The following RNF103 variants were observed in gnomAD, a reference collection of about 807,000 sequenced individuals.
RNF103 encodes the protein ring finger protein 103.
In RNF103, 23 loss-of-function variants were observed where a neutral mutation model predicts 66.2. That is an observed-to-expected ratio of 0.35 (90% CI 0.25 to 0.49). The LOEUF is 0.49. Ranked by LOEUF, RNF103 falls within the 20% of genes least tolerant of loss-of-function variation. The pLI, the probability that RNF103 is intolerant of heterozygous loss-of-function variation, is 0.98. For missense variants in RNF103, 730 were observed against 814.7 expected, an observed-to-expected ratio of 0.90 and a Z score of 1.27; for synonymous variants, 297 against 289.9, an observed-to-expected ratio of 1.02 and a Z score of -0.25.
At chr2:86,605,476 C>T in intron 3 of RNF103, 58 bp from the exon 4 acceptor site, 1 of 1,501,852 alleles carries the variant, frequency 6.7e-7, no homozygotes, top group African/African-American at 1.4e-5. Context: ...AATTTATCTT[C>T]CCTGACAAAT....
intron 1 of RNF103, among the ~76,000 whole-genome samples, chr2:86,622,023 C>T (rs1038637574): frequency 6.7e-6 from 1 of 149,220 alleles, no homozygotes; most frequent in African/African-American, 2.4e-5. Context: ...TTTTACACAT[C>T]CAAGATGCAA....
At position 86,622,981 on chromosome 2, in the gene RNF103, G is replaced by A. The variant is rs1679292112; in HGVS notation, c.-95C>T. On this transcript the variant is annotated 5_prime_UTR_variant, in exon 1 of 4. Coordinates refer to ENST00000237455, the MANE Select transcript of RNF103 (RefSeq NM_005667.4). ...CGCGGCTCGGTGGCAGCTTGGGCGA[G>A]GGCCCCGTGTCCACGCGCGGGCCAC... 6 of 1,443,276 alleles carry A rather than the reference G, an allele frequency of 4.2e-6. No individual in the cohort carries two copies. Among genetic ancestry groups the A allele is most frequent in the Admixed American group, 2.7e-5 (1 of 36,636 alleles). 89.4% of individuals were successfully genotyped at this position (1,443,276 alleles called of 1,614,324 possible).
chr2:86,619,739 A>T (rs2120340), intron 2 of RNF103, among the ~76,000 whole-genome samples: 114,066 of 152,048 alleles, frequency 0.75, 43,103 homozygotes, highest in East Asian at 0.93. Flanking sequence ...TTTAAGGTCC[A>T]TCATAGCTCT....
Position 86,622,835 on chromosome 2 carries a change from G to A in RNF103, c.52C>T (p.Leu18=). The A allele has an allele frequency of 6.2e-7, 1 of 1,614,008 alleles. No individual in the cohort carries two copies. The highest frequency in any genetic ancestry group is 8.5e-7 in the Non-Finnish European group (1 of 1,179,964). ...LLLYFLVLFV[L]ARFFEAIVWY... is the part of the protein sequence containing the mutation. ...ACAATGGCCTCAAAAAACCTGGCCA[G>A]GACGAACAGGACCAGGAAATAGAGG... The change falls in exon 1 of 4, where the codon CTG becomes TTG. Residue 18 remains leucine, a synonymous_variant. Transcript: ENST00000237455.
Position 86,623,642 on chromosome 2 carries a change from G to T in RNF103, c.-756C>A. The T allele has an allele frequency of 8.8e-7, 1 of 1,137,814 alleles. No homozygotes were observed. Among genetic ancestry groups the T allele is most frequent in the Non-Finnish European group, 1.1e-6 (1 of 916,996 alleles). The allele number at this position is 1,137,814 out of a possible 1,614,324, so 70.5% of individuals were successfully genotyped here. A position where few individuals can be genotyped will look rare whatever the true frequency, so the allele number is the denominator to read the frequency against. ...CCCAGGATGGGGCGTCGCGGTCTCT[G>T]CAGATGGAATCGGTCTCGGAGGGAA... On this transcript the variant is annotated 5_prime_UTR_variant, in exon 1 of 4. Coordinates refer to ENST00000237455, the MANE Select transcript of RNF103 (RefSeq NM_005667.4).
At position 86,604,273 on chromosome 2, in the gene RNF103, T is replaced by C; in HGVS notation, c.1628A>G (p.Asn543Ser). 6.2e-7 allele frequency: 1 copy of C among 1,614,214 alleles called. No homozygotes were observed. Among genetic ancestry groups the C allele is most frequent in the Non-Finnish European group, 8.5e-7 (1 of 1,180,026 alleles). The change falls in exon 4 of 4, where the codon AAC becomes AGC. Residue 543 changes from asparagine to serine, a missense_variant. Around this residue, in one of 3 missense-constraint regions of RNF103, gnomAD observed 355 missense variants for 351.9 expected, o/e 1.01. Transcript: ENST00000237455. ...QDTENDSESE[N>S]TDTLSSEKEV... ...CTTCTCACTACTCAAAGTGTCTGTG[T>C]TCTCACTTTCCGAGTCATTTTCAGT...
intron 3 of RNF103, among the ~76,000 whole-genome samples, chr2:86,607,917 CAT>C (rs911775864): frequency 6.6e-6 from 1 of 152,144 alleles, no homozygotes; most frequent in African/African-American, 2.4e-5. Context: ...AGAAAACAAA[CAT>C]ATTATGTGCT....
rs1328247938 is a variant in RNF103 at position 86,620,438 on chromosome 2, A to G, written c.258T>C (p.Ala86=). 3 of 1,599,118 alleles carry G rather than the reference A, an allele frequency of 1.9e-6. No individual in the cohort carries two copies. Among genetic ancestry groups the G allele is most frequent in the Admixed American group, 1.7e-5 (1 of 59,874 alleles). Residue 86 remains alanine (A), a synonymous_variant, in exon 2 of 4, where the codon GCT becomes GCC. Transcript: ENST00000237455. The part of the protein sequence containing the change: ...GDLMEGELYS[A]LKEEEASESV... The stretch of plus-strand genomic sequence containing the variant: ...ATTCGGATGCTTCTTCTTCCTTGAG[A>G]GCAGAATAGAGCTCACCCTCCATCA...
chr2:86,623,435 G>A lies in RNF103; in HGVS notation c.-549C>T. 5.1e-6 allele frequency: 5 copies of A among 981,874 alleles called. No homozygotes were observed. Among genetic ancestry groups the A allele is most frequent in the Non-Finnish European group, 6.0e-6 (5 of 828,548 alleles). 60.8% of individuals were successfully genotyped at this position (981,874 alleles called of 1,614,324 possible). On this transcript the variant is annotated 5_prime_UTR_variant, in exon 1 of 4. Transcript: ENST00000237455. ...GCGGCGCTCGGCCGGGCCAGGCCCG[G>A]GGCCCAGCGTGTTCTGCGCGGGGAG... is the stretch of plus-strand genomic sequence containing the variant.
chr2:86,616,979 G>T, intron 2 of RNF103: 2 of 985,358 alleles, frequency 2.0e-6, no homozygotes, highest in Non-Finnish European at 2.4e-6. Flanking sequence ...TGGGGCCAAA[G>T]AATCCACAAA....
rs1678449472 is a variant in RNF103 at position 86,604,099 on chromosome 2, T to G, written c.1802A>C (p.Asn601Thr). The G allele has an allele frequency of 6.2e-7, 1 of 1,613,692 alleles. No individual in the cohort carries two copies. The change falls in exon 4 of 4, where the codon AAT becomes ACT. Residue 601 changes from asparagine (N) to threonine (T), a missense_variant. This residue lies in a region of RNF103 where 355 missense variants were observed against 351.9 expected (regional missense o/e 1.01). Transcript: ENST00000237455. Reference protein sequence around the residue: ...KGRSYGSYNTNEDMEPDWLTW... With the variant: ...KGRSYGSYNTTEDMEPDWLTW... ...TAACCAATCAGGTTCCATATCTTCA[T>G]TAGTGTTATATGATCCATATGACCT...
chr2:86,617,374 G>A (rs1003794738), intron 2 of RNF103: 49 of 837,084 alleles, frequency 5.9e-5, no homozygotes, highest in Middle Eastern at 6.0e-4. Flanking sequence ...ACTGCAGTCC[G>A]AAAATACTAC....
chr2:86,604,713 A>T lies in RNF103; in HGVS notation c.1188T>A (p.Tyr396Ter), dbSNP rs924812236. Residue 396 changes from tyrosine to a stop codon, truncating the protein, a stop_gained, in exon 4 of 4, where the codon TAT becomes TAA. Transcript: ENST00000237455. LOFTEE classifies it high-confidence loss of function. ...FYEYSLKLLRYSNTTTLASWV... is the reference protein window; with the variant it reads ...FYEYSLKLLR ...ATGAAGCCAGTGTGGTTGTATTGGAATATCTCAACAATTTTAAGCTATATT... is the reference window on the plus strand; with the variant it reads ...ATGAAGCCAGTGTGGTTGTATTGGATTATCTCAACAATTTTAAGCTATATT... 1 of 1,614,128 alleles carries T rather than the reference A, an allele frequency of 6.2e-7. No individual in the cohort carries two copies. The highest frequency in any genetic ancestry group is 8.5e-7 in the Non-Finnish European group (1 of 1,180,024).
intron 3 of RNF103, among the ~76,000 whole-genome samples, chr2:86,608,976 G>A (rs1170373367): frequency 6.6e-6 from 1 of 152,150 alleles, no homozygotes; most frequent in Non-Finnish European, 1.5e-5. Context: ...ATGTTCTTAA[G>A]GGAGCTACTC....
intron 3 of RNF103, among the ~76,000 whole-genome samples, chr2:86,607,363 T>C (rs1171279400): frequency 6.6e-6 from 1 of 152,198 alleles, no homozygotes; most frequent in African/African-American, 2.4e-5. Flanking sequence ...AATGATAATA[T>C]GACTAATTTT....
At chr2:86,607,754 G>C (rs1223567888) in intron 3 of RNF103, among the ~76,000 whole-genome samples, 1 of 152,066 alleles carries the variant, frequency 6.6e-6, no homozygotes, top group East Asian at 1.9e-4. Context: ...CATTGCACTT[G>C]ATATTTGTGA....
intron 2 of RNF103, chr2:86,617,542 G>T: frequency 1.6e-6 from 1 of 636,566 alleles, no homozygotes; most frequent in Non-Finnish European, 2.0e-6. Flanking sequence ...AAAAAACATA[G>T]ACTATATAGG....
At chr2:86,622,519 G>A in intron 1 of RNF103, 142 bp downstream of exon 1, 1 of 738,688 alleles carries the variant, frequency 1.4e-6, no homozygotes. Context: ...ATACTTGATT[G>A]TAGGAAGCTT....
In RNF103 at chr2:86,612,225, T is replaced by C; in HGVS notation, c.416A>G (p.Lys139Arg). ...SPLVGKIHWE[K>R]MVKKVSRFGI... The stretch of plus-strand genomic sequence containing the variant: ...AAATCTTGACACCTTTTTAACCATT[T>C]TCTCCCAGTGAATTTTGCCCACCAA... Residue 139 changes from lysine (K) to arginine (R), a missense_variant, in exon 3 of 4, where the codon AAA becomes AGA. Coordinates refer to ENST00000237455, the MANE Select transcript of RNF103 (RefSeq NM_005667.4). 1.9e-6 allele frequency: 3 copies of C among 1,613,854 alleles called. No individual in the cohort carries two copies. Among genetic ancestry groups the C allele is most frequent in the South Asian group, 2.2e-5 (2 of 91,014 alleles).
Sources: allele counts gnomAD v4.1 joint callset (sites outside exome capture counted in the v4.1 genomes callset), GRCh38; gene constraint gnomAD v4.1.1; regional missense constraint gnomAD v4.1.1; transcripts MANE v1.5; gene names NCBI Gene and HGNC (gene_info 2026-07-23, HGNC 2026-07-21).